The following RNLS variants were observed in gnomAD, a reference collection of about 807,000 sequenced individuals.
RNLS encodes renalase.
RNLS carries 39 observed loss-of-function variants against 39.8 expected under a neutral mutation model. The ratio of observed to expected loss-of-function variants is 0.98; its 90% CI spans 0.76 to 1.28. RNLS has a LOEUF of 1.28. Ranked by LOEUF, RNLS falls within the 50% of genes most tolerant of loss-of-function variation. RNLS has a pLI of 0.00. For synonymous variants in RNLS, 147 were observed against 150.7 expected, an observed-to-expected ratio of 0.98 and a Z score of 0.18; for missense variants, 410 against 413.3, an observed-to-expected ratio of 0.99 and a Z score of 0.07.
the RNLS span, among the ~76,000 whole-genome samples, chr10:88,177,240 C>T: frequency 1.3e-5 from 2 of 151,996 alleles, no homozygotes; most frequent in Non-Finnish European, 2.9e-5. Context: ...TAATGGTGTC[C>T]GTATGTCCCA....
chr10:88,250,541 G>A, the RNLS span, among the ~76,000 whole-genome samples: 3 of 152,210 alleles, frequency 2.0e-5, no homozygotes, highest in Non-Finnish European at 4.4e-5. Flanking sequence ...CCTGTGCACA[G>A]CCCTCAACAA....
the RNLS span, among the ~76,000 whole-genome samples, chr10:88,267,230 T>C: frequency 2.6e-5 from 4 of 152,328 alleles, no homozygotes; most frequent in South Asian, 6.2e-4. Flanking sequence ...TCTTGTCAGA[T>C]GTTTGAGCTC....
At chr10:88,470,596 T>C (rs929652854) in intron 4 of RNLS, among the ~76,000 whole-genome samples, 3 of 149,950 alleles carry the variant, frequency 2.0e-5, no homozygotes, top group Admixed American at 6.8e-5. Flanking sequence ...TAACATACTA[T>C]ACAAATGTTT....
intron 4 of RNLS, among the ~76,000 whole-genome samples, chr10:88,398,106 G>A (rs1444683425): frequency 6.6e-6 from 1 of 152,060 alleles, no homozygotes; most frequent in East Asian, 1.9e-4. Flanking sequence ...CAGATCAGAA[G>A]ATGACTGCCA....
intron 5 of RNLS, among the ~76,000 whole-genome samples, chr10:88,354,910 T>G (rs1849031221): frequency 6.6e-6 from 1 of 152,166 alleles, no homozygotes; most frequent in Non-Finnish European, 1.5e-5. Context: ...GCTTTGTTTG[T>G]TTCTATTTAT....
intron 4 of RNLS, among the ~76,000 whole-genome samples, chr10:88,406,707 T>C (rs1853297635): frequency 1.3e-5 from 2 of 152,086 alleles, no homozygotes; most frequent in Non-Finnish European, 2.9e-5. Context: ...CTACTGGGTA[T>C]CTACCCAGAG....
intron 4 of RNLS, among the ~76,000 whole-genome samples, chr10:88,489,641 A>G (rs1221650017): frequency 1.3e-5 from 2 of 152,210 alleles, no homozygotes; most frequent in African/African-American, 2.4e-5. Flanking sequence ...TTTTCTCACA[A>G]GAACAGATAC....
chr10:88,506,965 T>C (rs1430152265), intron 4 of RNLS, among the ~76,000 whole-genome samples: 1 of 152,022 alleles, frequency 6.6e-6, no homozygotes, highest in Non-Finnish European at 1.5e-5. Flanking sequence ...ATGTGAACTA[T>C]ATTAAAAAGT....
intron 5 of RNLS, among the ~76,000 whole-genome samples, chr10:88,328,556 A>G (rs1260839549): frequency 6.6e-6 from 1 of 152,164 alleles, no homozygotes; most frequent in Non-Finnish European, 1.5e-5. Context: ...TGATTAAACC[A>G]TGTTTACATT....
the RNLS span, among the ~76,000 whole-genome samples, chr10:88,229,539 A>G: frequency 6.6e-6 from 1 of 152,226 alleles, no homozygotes; most frequent in South Asian, 2.1e-4. Flanking sequence ...TATGTAAGTC[A>G]CCTATTTAAA....
the RNLS span, among the ~76,000 whole-genome samples, chr10:88,259,853 C>T: frequency 6.6e-6 from 1 of 152,146 alleles, no homozygotes; most frequent in Admixed American, 6.5e-5. Context: ...AAGCAACTCT[C>T]CTGCCTCAGC....
chr10:88,299,734 T>A (rs1381984287), intron 6 of RNLS, among the ~76,000 whole-genome samples: 1 of 152,268 alleles, frequency 6.6e-6, no homozygotes, highest in East Asian at 1.9e-4. Flanking sequence ...GATCCATTTT[T>A]AGTTAATTTT....
rs142963362 is a variant in RNLS at position 88,377,113 on chromosome 10, T to G, written c.527-14388A>C. Among the ~76,000 whole-genome samples, 37 of 152,256 alleles carry G rather than the reference T, an allele frequency of 2.4e-4. No homozygotes were observed. The East Asian group carries it at 6.4e-3, about 26-fold the overall frequency. On this transcript the variant is annotated intron_variant, in intron 4 of 6. Transcript: ENST00000331772. Reference sequence around the variant, plus strand: ...CAAGGTTAGCTACACTTGAGTTTCTTACTTTCTTGCATATAAGTCAGAAAT... The same window carrying G: ...CAAGGTTAGCTACACTTGAGTTTCTGACTTTCTTGCATATAAGTCAGAAAT...
the RNLS span, among the ~76,000 whole-genome samples, chr10:88,172,773 C>T: frequency 7.2e-5 from 10 of 139,434 alleles, no homozygotes; most frequent in Non-Finnish European, 1.5e-4. Flanking sequence ...TGAAGCATGT[C>T]TCCTATGTTT....
intron 4 of RNLS, among the ~76,000 whole-genome samples, chr10:88,527,002 T>A (rs1847143278): frequency 6.6e-6 from 1 of 151,686 alleles, no homozygotes; most frequent in Non-Finnish European, 1.5e-5. Flanking sequence ...AGTACTTGGG[T>A]TCTAGGGATC....
chr10:88,467,032 C>T (rs566770035), intron 4 of RNLS, among the ~76,000 whole-genome samples: 6 of 152,052 alleles, frequency 3.9e-5, no homozygotes, highest in African/African-American at 9.6e-5. Context: ...AAATGCTGTC[C>T]GAGAGTTAAT....
At chr10:88,574,613 C>G (rs1373713921) in intron 3 of RNLS, among the ~76,000 whole-genome samples, 1 of 152,146 alleles carries the variant, frequency 6.6e-6, no homozygotes, top group Non-Finnish European at 1.5e-5. Context: ...TAATGCTACA[C>G]CCTAGTAAGC....
At chr10:88,310,425 G>A (rs1258933393) in intron 6 of RNLS, among the ~76,000 whole-genome samples, 2 of 151,954 alleles carry the variant, frequency 1.3e-5, no homozygotes, top group East Asian at 1.9e-4. Flanking sequence ...GTGTTTATGT[G>A]TACATGTATT....
downstream of RNLS, among the ~76,000 whole-genome samples, chr10:88,283,891 C>T (rs61853479): frequency 2.3e-3 from 346 of 152,028 alleles, 1 homozygote; most frequent in Non-Finnish European, 3.5e-3. Flanking sequence ...CAAAATAATC[C>T]GTACAACAAA....
Sources: allele counts gnomAD v4.1 joint callset (sites outside exome capture counted in the v4.1 genomes callset), GRCh38; gene constraint gnomAD v4.1.1; transcripts MANE v1.5; gene names NCBI Gene and HGNC (gene_info 2026-07-23, HGNC 2026-07-21).